The following FAM78B variants were observed in gnomAD, a reference collection of about 807,000 sequenced individuals.
FAM78B encodes family with sequence similarity 78 member B.
FAM78B carries 10 observed loss-of-function variants against 20.0 expected under a neutral mutation model. The ratio of observed to expected loss-of-function variants is 0.50; its 90% CI spans 0.31 to 0.85. FAM78B has a LOEUF of 0.85. Among genes scored for constraint, FAM78B ranks in the 40% least tolerant of loss-of-function variants. FAM78B has a pLI of 0.05. For missense variants in FAM78B, 283 were observed against 345.0 expected (o/e 0.82, Z 1.42); for synonymous variants, 135 against 132.8 (o/e 1.02, Z -0.12).
intron 1 of FAM78B, among the ~76,000 whole-genome samples, chr1:166,104,379 T>C (rs12141766): frequency 5.9e-5 from 9 of 151,826 alleles, no homozygotes; most frequent in Non-Finnish European, 1.3e-4. Flanking sequence ...GAAGGAAATA[T>C]AGGGTATTCA....
At chr1:166,086,255 C>G (rs1048111926) in intron 1 of FAM78B, among the ~76,000 whole-genome samples, 2 of 152,146 alleles carry the variant, frequency 1.3e-5, no homozygotes, top group Non-Finnish European at 2.9e-5. Context: ...GACCCAGGTC[C>G]TCTAACCTGA....
intron 1 of FAM78B, among the ~76,000 whole-genome samples, chr1:166,137,306 C>T (rs1363668631): frequency 6.6e-6 from 1 of 152,202 alleles, no homozygotes; most frequent in African/African-American, 2.4e-5. Context: ...GATCAATTAG[C>T]CATGTCTGCC....
intron 1 of FAM78B, among the ~76,000 whole-genome samples, chr1:166,090,983 G>A (rs868399460): frequency 4.5e-4 from 69 of 152,240 alleles, no homozygotes; most frequent in African/African-American, 1.5e-3. Flanking sequence ...GTGGGGGTGC[G>A]ACTGAGGTTT....
At chr1:166,105,296 C>T (rs1438131528) in intron 1 of FAM78B, among the ~76,000 whole-genome samples, 13 of 152,134 alleles carry the variant, frequency 8.5e-5, no homozygotes, top group Admixed American at 2.0e-4. Flanking sequence ...TAGGCATGGG[C>T]AAGGACTTCA....
intron 1 of FAM78B, among the ~76,000 whole-genome samples, chr1:166,109,380 T>C (rs145692030): frequency 2.0e-5 from 3 of 152,182 alleles, no homozygotes; most frequent in Admixed American, 1.3e-4. Context: ...AAAGAGGATA[T>C]ACAAATGGCC....
chr1:166,158,829 C>T (rs36035435), intron 1 of FAM78B, among the ~76,000 whole-genome samples: 1 of 152,240 alleles, frequency 6.6e-6, no homozygotes, highest in Non-Finnish European at 1.5e-5. Flanking sequence ...TCCACGGACC[C>T]TCAGCACCAC....
At chr1:166,133,057 A>G (rs1289948128) in intron 1 of FAM78B, among the ~76,000 whole-genome samples, 1 of 152,206 alleles carries the variant, frequency 6.6e-6, no homozygotes, top group Admixed American at 6.5e-5. Context: ...GAAAGGTATG[A>G]GTTGTTCATT....
chr1:166,095,915 T>C (rs1653258789), intron 1 of FAM78B, among the ~76,000 whole-genome samples: 1 of 151,976 alleles, frequency 6.6e-6, no homozygotes. Flanking sequence ...AATCAAATAC[T>C]AAATGCAGGA....
At chr1:166,148,602 T>C (rs1655560863) in intron 1 of FAM78B, among the ~76,000 whole-genome samples, 1 of 152,252 alleles carries the variant, frequency 6.6e-6, no homozygotes, top group African/African-American at 2.4e-5. Context: ...TGAAAATCTG[T>C]ATTAGAAAAG....
intron 1 of FAM78B, among the ~76,000 whole-genome samples, chr1:166,108,967 T>C (rs1370757553): frequency 1.3e-5 from 2 of 152,026 alleles, no homozygotes; most frequent in East Asian, 3.9e-4. Context: ...ACATGCAGAA[T>C]GAAACTGGAT....
At chr1:166,084,205 C>CACACACA (rs1652699970) in intron 1 of FAM78B, among the ~76,000 whole-genome samples, 1 of 121,074 alleles carries the variant, frequency 8.3e-6, no homozygotes, top group Non-Finnish European at 1.7e-5. Context: ...GATGTAGAAA[C>CACACACA]CACACACACA....
intron 1 of FAM78B, among the ~76,000 whole-genome samples, chr1:166,140,890 C>A (rs537080615): frequency 3.3e-5 from 5 of 152,306 alleles, no homozygotes; most frequent in African/African-American, 1.2e-4. Flanking sequence ...CTCAAAACAA[C>A]CCTGTGAGGC....
At chr1:166,136,817 T>C (rs1191686454) in intron 1 of FAM78B, among the ~76,000 whole-genome samples, 1 of 152,166 alleles carries the variant, frequency 6.6e-6, no homozygotes, top group Non-Finnish European at 1.5e-5. Flanking sequence ...TCCTGCTCAG[T>C]TCCTGAGAGG....
chr1:166,070,222 C>CA lies in FAM78B; in HGVS notation c.*18dup. ...GTCTCAGAGGCGTGTGATCCACACA[C>CA]AGTCAGGCCAGTCTGCTTCTACTTA... On this transcript the variant is annotated 3_prime_UTR_variant, in exon 2 of 2. Coordinates refer to ENST00000354422, the MANE Select transcript of FAM78B (RefSeq NM_001017961.5). 2.0e-6 allele frequency: 3 copies of CA among 1,511,194 alleles called. No homozygotes were observed. The highest frequency in any genetic ancestry group is 2.7e-6 in the Non-Finnish European group (3 of 1,129,252). 93.6% of individuals were successfully genotyped at this position (1,511,194 alleles called of 1,614,324 possible). A position where few individuals can be genotyped will look rare whatever the true frequency, so the allele number is the denominator to read the frequency against.
At chr1:166,075,103 G>T (rs1349641079) in intron 1 of FAM78B, among the ~76,000 whole-genome samples, 1 of 152,162 alleles carries the variant, frequency 6.6e-6, no homozygotes, top group Non-Finnish European at 1.5e-5. Context: ...TTCAATAACG[G>T]GTTTAGGCAC....
chr1:166,158,135 C>T (rs976974948), intron 1 of FAM78B, among the ~76,000 whole-genome samples: 1 of 152,114 alleles, frequency 6.6e-6, no homozygotes, highest in Admixed American at 6.5e-5. Context: ...AGAGAACCCC[C>T]TTCCTGGGAG....
chr1:166,109,432 G>A (rs1037809647), intron 1 of FAM78B, among the ~76,000 whole-genome samples: 1 of 151,968 alleles, frequency 6.6e-6, no homozygotes, highest in Non-Finnish European at 1.5e-5. Context: ...TAATGATCAG[G>A]GAAATGCAAA....
intron 1 of FAM78B, among the ~76,000 whole-genome samples, chr1:166,113,521 T>A (rs1654139496): frequency 6.6e-6 from 1 of 152,210 alleles, no homozygotes; most frequent in Admixed American, 6.5e-5. Context: ...TGAATGCCCA[T>A]TAGGATTTAC....
intron 1 of FAM78B, among the ~76,000 whole-genome samples, chr1:166,097,271 G>A (rs1013375213): frequency 6.6e-6 from 1 of 152,184 alleles, no homozygotes; most frequent in Admixed American, 6.5e-5. Context: ...GGATCCAACG[G>A]GAGAGGAGCA....
Sources: gnomAD v4.1 joint callset for allele counts (sites outside exome capture counted in the v4.1 genomes callset) on GRCh38, gnomAD v4.1.1 for gene constraint, MANE v1.5 for transcripts, NCBI Gene and HGNC (gene_info 2026-07-23, HGNC 2026-07-21) for gene names.